TMPRSS11A: variants seen among roughly 807,000 people sequenced by gnomAD.
TMPRSS11A encodes the protein transmembrane protease serine 11A.
Under a neutral mutation model 58.9 loss-of-function variants are expected in TMPRSS11A, and 53 were observed. The observed-to-expected ratio is 0.90, with a 90% CI of 0.72 to 1.13. The LOEUF is 1.13. Ranked by LOEUF, TMPRSS11A falls within the 50% of genes most tolerant of loss-of-function variation. TMPRSS11A has a pLI of 0.00. For missense variants in TMPRSS11A, 493 were observed against 499.3 expected (o/e 0.99, Z 0.12); for synonymous variants, 167 against 169.8 (o/e 0.98, Z 0.13).
intron 3 of TMPRSS11A, among the ~76,000 whole-genome samples, chr4:67,934,861 AT>A: frequency 6.6e-6 from 1 of 152,224 alleles, no homozygotes; most frequent in South Asian, 2.1e-4. Flanking sequence ...CAGTCAATGT[AT>A]TCACTTAGGG....
chr4:67,922,110 A>G (rs192750609), intron 7 of TMPRSS11A, among the ~76,000 whole-genome samples: 2 of 152,342 alleles, frequency 1.3e-5, no homozygotes, highest in African/African-American at 4.8e-5. Flanking sequence ...TATTGTGAAG[A>G]GATGCTCTAT....
intron 1 of TMPRSS11A, among the ~76,000 whole-genome samples, chr4:67,960,066 A>C (rs1721387868): frequency 6.6e-6 from 1 of 152,212 alleles, no homozygotes; most frequent in African/African-American, 2.4e-5. Flanking sequence ...CAGGAACAGA[A>C]AACCAAATAC....
chr4:67,927,876 G>A (rs1038677728), intron 5 of TMPRSS11A, among the ~76,000 whole-genome samples: 7 of 152,046 alleles, frequency 4.6e-5, no homozygotes, highest in African/African-American at 1.7e-4. Flanking sequence ...ATTTCACATT[G>A]TGTTTTCTAT....
At chr4:67,963,292 A>T in intron 1 of TMPRSS11A, 91 bp downstream of exon 1, 8 of 1,187,996 alleles carry the variant, frequency 6.7e-6, no homozygotes, top group Non-Finnish European at 9.9e-6. Context: ...CACCAAAGAC[A>T]CCTCACTAGC....
chr4:67,929,399 T>A (rs1720553090), intron 5 of TMPRSS11A, among the ~76,000 whole-genome samples: 1 of 152,196 alleles, frequency 6.6e-6, no homozygotes, highest in African/African-American at 2.4e-5. Context: ...AATGGTAAAA[T>A]GACTCTAACA....
intron 5 of TMPRSS11A, among the ~76,000 whole-genome samples, chr4:67,926,727 C>A (rs1720482127): frequency 6.6e-6 from 1 of 152,198 alleles, no homozygotes; most frequent in Admixed American, 6.5e-5. Context: ...GAGCCTGCCA[C>A]CCTGGGAGCT....
intron 3 of TMPRSS11A, among the ~76,000 whole-genome samples, chr4:67,938,558 A>G (rs531484798): frequency 6.9e-4 from 105 of 152,224 alleles, no homozygotes; most frequent in Non-Finnish European, 1.3e-3. Context: ...CTTACATTTA[A>G]TTCTTTACTG....
In TMPRSS11A at chr4:67,911,255, CT is replaced by C; in HGVS notation, c.*86del. Reference sequence around the variant, plus strand: ...TACTAGATCCAGTAATTTAATATCACTTTGTTGTACTACACCCACTAAATAG... The same window carrying C: ...TACTAGATCCAGTAATTTAATATCACTTGTTGTACTACACCCACTAAATAG... On this transcript the variant is annotated 3_prime_UTR_variant, in exon 10 of 10. Transcript: ENST00000508048. The C allele has an allele frequency of 8.5e-7, 1 of 1,178,616 alleles. No individual in the cohort carries two copies. Among genetic ancestry groups the C allele is most frequent in the Admixed American group, 2.3e-5 (1 of 44,240 alleles). The allele number at this position is 1,178,616 out of a possible 1,614,324, so 73.0% of individuals were successfully genotyped here.
Position 67,914,732 on chromosome 4 carries a change from T to G in TMPRSS11A, c.953-2A>C. The stretch of plus-strand genomic sequence containing the variant: ...CTCGGAGATCATTTTGGGATTCCCC[T>G]TAAGGAAAAATAGAGTTATTCTAGT... On this transcript the variant is annotated splice_acceptor_variant, in intron 8 of 9. Transcript: ENST00000508048. LOFTEE classifies it high-confidence loss of function. The G allele has an allele frequency of 6.2e-7, 1 of 1,611,248 alleles. No individual in the cohort carries two copies. Among genetic ancestry groups the G allele is most frequent in the South Asian group, 1.1e-5 (1 of 90,518 alleles).
At chr4:67,916,981 G>A (rs72643693) in intron 8 of TMPRSS11A, among the ~76,000 whole-genome samples, 16,815 of 152,124 alleles carry the variant, frequency 0.11, 1,144 homozygotes, top group Non-Finnish European at 0.15. Flanking sequence ...GTCATGAAAA[G>A]CATAGCCCAT....
At chr4:67,935,417 T>C (rs904563432) in intron 3 of TMPRSS11A, among the ~76,000 whole-genome samples, 3 of 152,226 alleles carry the variant, frequency 2.0e-5, no homozygotes, top group African/African-American at 7.2e-5. Flanking sequence ...ATACCTTCTT[T>C]GGGGATATTC....
At position 67,924,157 on chromosome 4, in the gene TMPRSS11A, GA is replaced by G. The variant is rs1720402728; in HGVS notation, c.490del (p.Ser164HisfsTer6). 1 of 1,613,316 alleles carries G rather than the reference GA, an allele frequency of 6.2e-7. No homozygotes were observed. Among genetic ancestry groups the G allele is most frequent in the Admixed American group, 1.7e-5 (1 of 60,014 alleles). ...ASSVQVNAMS[S>X]STGELTVQAS... is the part of the protein sequence containing the mutation. ...TTGGACAGTTAACTCCCCTGTTGAT[GA>G]GCTCATTGCTGAAAAAGAAGATAAA... is the stretch of plus-strand genomic sequence containing the variant. On this transcript the variant is annotated frameshift_variant, in exon 6 of 10. Coordinates refer to ENST00000508048, the MANE Select transcript of TMPRSS11A (RefSeq NM_001114387.2). LOFTEE classifies it high-confidence loss of function.
At chr4:67,943,328 A>G (rs1037143329) in intron 3 of TMPRSS11A, among the ~76,000 whole-genome samples, 5 of 152,226 alleles carry the variant, frequency 3.3e-5, no homozygotes, top group Non-Finnish European at 5.9e-5. Context: ...CAACAGTAGC[A>G]GTAATGTTGG....
intron 3 of TMPRSS11A, among the ~76,000 whole-genome samples, chr4:67,942,383 T>C (rs1720901828): frequency 6.6e-6 from 1 of 152,182 alleles, no homozygotes; most frequent in Non-Finnish European, 1.5e-5. Flanking sequence ...GAAAGTTCTC[T>C]TATGGCTTCT....
intron 1 of TMPRSS11A, among the ~76,000 whole-genome samples, chr4:67,956,835 C>G (rs917899540): frequency 2.0e-5 from 3 of 152,182 alleles, no homozygotes; most frequent in Non-Finnish European, 4.4e-5. Flanking sequence ...TACAGTTTGG[C>G]TCTGTCCCCA....
intron 1 of TMPRSS11A, among the ~76,000 whole-genome samples, chr4:67,947,060 A>G (rs1439229586): frequency 5.3e-5 from 8 of 152,276 alleles, no homozygotes; most frequent in Non-Finnish European, 1.0e-4. Flanking sequence ...ATATCACATT[A>G]TTATATCAAT....
intron 1 of TMPRSS11A, among the ~76,000 whole-genome samples, chr4:67,958,424 C>T (rs1560576151): frequency 6.6e-6 from 1 of 152,184 alleles, no homozygotes; most frequent in Non-Finnish European, 1.5e-5. Context: ...AGACAAGGAC[C>T]CAAAGGAGAT....
intron 5 of TMPRSS11A, among the ~76,000 whole-genome samples, chr4:67,927,388 G>T (rs1246046707): frequency 6.6e-6 from 1 of 152,200 alleles, no homozygotes; most frequent in Non-Finnish European, 1.5e-5. Flanking sequence ...CAGGGAAGCT[G>T]CTTGCAGTGA....
At chr4:67,954,936 A>C (rs1721248767) in intron 1 of TMPRSS11A, among the ~76,000 whole-genome samples, 1 of 152,218 alleles carries the variant, frequency 6.6e-6, no homozygotes, top group South Asian at 2.1e-4. Context: ...ACATAGAGTA[A>C]ATAATATATA....
Sources: gnomAD v4.1 joint callset for allele counts (sites outside exome capture counted in the v4.1 genomes callset) on GRCh38, gnomAD v4.1.1 for gene constraint, MANE v1.5 for transcripts, NCBI Gene and HGNC (gene_info 2026-07-23, HGNC 2026-07-21) for gene names.